Variants in JAZF1 observed in about 807,000 individuals in gnomAD.
JAZF1 encodes juxtaposed with another zinc finger protein 1.
JAZF1 carries 8 observed loss-of-function variants against 26.4 expected under a neutral mutation model. The observed-to-expected ratio is 0.30, with a 90% CI of 0.18 to 0.55. The LOEUF (loss-of-function observed/expected upper bound fraction) is 0.55, where lower values mean the gene tolerates loss of function less well. Among genes scored for constraint, JAZF1 ranks in the 20% least tolerant of loss-of-function variants. JAZF1 has a pLI of 0.94. For synonymous variants in JAZF1, 126 were observed against 122.3 expected (o/e 1.03, Z -0.20); for missense variants, 199 against 322.0 (o/e 0.62, Z 2.92).
chr7:28,083,212 C>T (rs997941702), intron 1 of JAZF1, among the ~76,000 whole-genome samples: 1 of 152,162 alleles, frequency 6.6e-6, no homozygotes, highest in Non-Finnish European at 1.5e-5. Flanking sequence ...CTCAGTTTAG[C>T]CCTTGTGCCT....
intron 2 of JAZF1, among the ~76,000 whole-genome samples, chr7:27,978,131 A>T (rs1401279526): frequency 6.6e-6 from 1 of 152,246 alleles, no homozygotes. Context: ...TTCACATCAA[A>T]GTGTCCCTAG....
At chr7:27,835,287 T>G (rs897577961) in intron 4 of JAZF1, among the ~76,000 whole-genome samples, 2 of 152,156 alleles carry the variant, frequency 1.3e-5, no homozygotes, top group African/African-American at 4.8e-5. Context: ...TTTTTATAAC[T>G]AATTAGGCTA....
intron 1 of JAZF1, among the ~76,000 whole-genome samples, chr7:28,049,657 G>A (rs1783577981): frequency 6.6e-6 from 1 of 152,160 alleles, no homozygotes; most frequent in Admixed American, 6.5e-5. Flanking sequence ...TAAACAGGAA[G>A]TTCTGGTAAA....
intron 2 of JAZF1, among the ~76,000 whole-genome samples, chr7:27,991,444 C>T (rs2128365274): frequency 6.6e-6 from 1 of 152,264 alleles, no homozygotes; most frequent in Non-Finnish European, 1.5e-5. Flanking sequence ...TACTCTACAG[C>T]TGGGGTCAGT....
chr7:27,994,981 T>C (rs1785985012), intron 1 of JAZF1, among the ~76,000 whole-genome samples: 1 of 152,062 alleles, frequency 6.6e-6, no homozygotes, highest in South Asian at 2.1e-4. Context: ...GATCCCCACA[T>C]CCTGCACAAT....
At chr7:28,037,235 G>A (rs575391421) in intron 1 of JAZF1, among the ~76,000 whole-genome samples, 15 of 152,312 alleles carry the variant, frequency 9.8e-5, no homozygotes, top group African/African-American at 2.9e-4. Context: ...AGATACAGAA[G>A]CAGAGGAATT....
intron 2 of JAZF1, among the ~76,000 whole-genome samples, chr7:27,936,778 T>C (rs981526155): frequency 2.6e-5 from 4 of 152,242 alleles, no homozygotes; most frequent in Non-Finnish European, 5.9e-5. Flanking sequence ...GGCCAGACTT[T>C]CTATTTACAT....
chr7:27,945,260 T>C (rs1784909516), intron 2 of JAZF1, among the ~76,000 whole-genome samples: 1 of 152,150 alleles, frequency 6.6e-6, no homozygotes, highest in South Asian at 2.1e-4. Context: ...GTGTTGGCTT[T>C]ATGCGGCATT....
chr7:28,035,327 A>AAAAAG (rs2128375817), intron 1 of JAZF1, among the ~76,000 whole-genome samples: 1 of 142,914 alleles, frequency 7.0e-6, no homozygotes, highest in South Asian at 2.3e-4. Context: ...AAAAAAAAAA[A>AAAAAG]AAAAAAAAAA....
intron 1 of JAZF1, among the ~76,000 whole-genome samples, chr7:28,123,521 T>C (rs925153971): frequency 3.3e-5 from 5 of 152,244 alleles, no homozygotes; most frequent in Non-Finnish European, 7.3e-5. Context: ...TAGCACATAG[T>C]AGGCACTCGG....
At chr7:28,007,894 T>G (rs539166823) in intron 1 of JAZF1, among the ~76,000 whole-genome samples, 1 of 151,932 alleles carries the variant, frequency 6.6e-6, no homozygotes, top group South Asian at 2.1e-4. Context: ...CTAGAGTTCT[T>G]TTTTTTCCTC....
intron 2 of JAZF1, among the ~76,000 whole-genome samples, chr7:27,942,405 CCT>C (rs1784861668): frequency 6.6e-6 from 1 of 152,208 alleles, no homozygotes; most frequent in African/African-American, 2.4e-5. Context: ...CAAAGGGTTA[CCT>C]GAGTCAAACA....
At chr7:28,071,098 C>G (rs925555921) in intron 1 of JAZF1, among the ~76,000 whole-genome samples, 1 of 152,120 alleles carries the variant, frequency 6.6e-6, no homozygotes, top group African/African-American at 2.4e-5. Flanking sequence ...CTGCCTAAAA[C>G]GGAATCGGCT....
chr7:27,952,096 TATA>T (rs1785019706), intron 2 of JAZF1, among the ~76,000 whole-genome samples: 1 of 152,196 alleles, frequency 6.6e-6, no homozygotes, highest in Non-Finnish European at 1.5e-5. Context: ...TTCATGGCAC[TATA>T]ATAATGAGTT....
intron 4 of JAZF1, among the ~76,000 whole-genome samples, chr7:27,834,808 C>T (rs1230591535): frequency 7.9e-5 from 12 of 152,176 alleles, no homozygotes; most frequent in South Asian, 2.1e-4. Flanking sequence ...AGACCCCAGG[C>T]GAGAACCACC....
At chr7:28,037,911 C>T (rs998493329) in intron 1 of JAZF1, among the ~76,000 whole-genome samples, 2 of 152,196 alleles carry the variant, frequency 1.3e-5, no homozygotes, top group Admixed American at 6.5e-5. Context: ...ATAATTTCTA[C>T]GTCAAACTCA....
chr7:27,831,496 G>T lies in JAZF1; in HGVS notation c.*1304C>A. 4.4e-6 allele frequency: 1 copy of T among 229,142 alleles called. No homozygotes were observed. 14.2% of individuals were successfully genotyped at this position (229,142 alleles called of 1,614,324 possible). On this transcript the variant is annotated 3_prime_UTR_variant, in exon 5 of 5. Coordinates refer to ENST00000283928, the MANE Select transcript of JAZF1 (RefSeq NM_175061.4). ...CAAGGCATGATGGTACTGTCGGTGAGGAAAAACTTAAGGAATGGTCCAGAT... is the reference window on the plus strand; with the variant it reads ...CAAGGCATGATGGTACTGTCGGTGATGAAAAACTTAAGGAATGGTCCAGAT...
intron 1 of JAZF1, among the ~76,000 whole-genome samples, chr7:28,018,570 T>C (rs998124574): frequency 6.6e-6 from 1 of 152,126 alleles, no homozygotes; most frequent in East Asian, 1.9e-4. Context: ...TGTTGCAGAT[T>C]AAGGGAAAAA....
rs532038792 is a variant in JAZF1, at chr7:27,962,989, G to A, written c.188+28920C>T. On this transcript the variant is annotated intron_variant, in intron 2 of 4. Coordinates refer to ENST00000283928, the MANE Select transcript of JAZF1 (RefSeq NM_175061.4). ...CTATCCCTCCTTTTAAAACTTCACT[G>A]TGTGGGGTTAGCATTCACCTGTTTA... is the stretch of plus-strand genomic sequence containing the variant. Among the ~76,000 whole-genome samples the A allele has an allele frequency of 1.1e-4, 17 of 152,260 alleles. No individual in the cohort carries two copies. In the East Asian group the frequency reaches 1.5e-3, roughly 14 times the overall value.
Sources: gnomAD v4.1 joint callset for allele counts (sites outside exome capture counted in the v4.1 genomes callset) on GRCh38, gnomAD v4.1.1 for gene constraint, MANE v1.5 for transcripts, NCBI Gene and HGNC (gene_info 2026-07-23, HGNC 2026-07-21) for gene names.